Variants in BRIP1 observed in about 807,000 individuals in gnomAD.
BRIP1 encodes the protein BRCA1 interacting DNA helicase 1.
BRIP1 carries 88 observed loss-of-function variants against 119.7 expected under a neutral mutation model. That is an observed-to-expected ratio of 0.74 (90% confidence interval 0.62 to 0.88). The LOEUF is 0.88. Ranked by LOEUF, BRIP1 falls within the 40% of genes least tolerant of loss-of-function variation. BRIP1 has a pLI of 0.00. For synonymous variants in BRIP1, 443 were observed against 496.5 expected, an observed-to-expected ratio of 0.89 and a Z score of 1.43; for missense variants, 1,259 against 1,455.4, an observed-to-expected ratio of 0.87 and a Z score of 2.20.
chr17:61,744,547 C>A lies in BRIP1; in HGVS notation c.2142G>T (p.Trp714Cys). 6.2e-7 allele frequency: 1 copy of A among 1,613,742 alleles called. No homozygotes were observed. The highest frequency in any genetic ancestry group is 1.1e-5 in the South Asian group (1 of 91,080). ...CTGTCTTCACCAACTCCAGATTATGCCATAAACCAGTAGAGAGCCAACGTT... is the reference window on the plus strand; with the variant it reads ...CTGTCTTCACCAACTCCAGATTATGACATAAACCAGTAGAGAGCCAACGTT... Reference protein sequence around the residue: ...LKERWLSTGLWHNLELVKTVI... With the variant: ...LKERWLSTGLCHNLELVKTVI... Residue 714 changes from tryptophan (W) to cysteine (C), a missense_variant, in exon 15 of 20, where the codon TGG (tryptophan) becomes TGT (cysteine). Physicochemically the swap from Trp to Cys is radical, Grantham distance 215 (BLOSUM62 -2). This residue lies in a region of BRIP1 where 753 missense variants were observed against 891.8 expected (regional missense o/e 0.84). Transcript: ENST00000259008. This position sits in a 1 kb window ranked among gnomAD's most constrained non-coding sequence, Gnocchi z 5.0.
intron 14 of BRIP1, among the ~76,000 whole-genome samples, chr17:61,750,226 G>T (rs1265366872): frequency 6.6e-6 from 1 of 152,138 alleles, no homozygotes; most frequent in African/African-American, 2.4e-5. Context: ...TCATGAAAGT[G>T]TGCTGCATTT....
At chr17:61,835,050 G>A (rs2078551084) in intron 6 of BRIP1, among the ~76,000 whole-genome samples, 1 of 152,236 alleles carries the variant, frequency 6.6e-6, no homozygotes, top group South Asian at 2.1e-4. Flanking sequence ...TGATATTGAG[G>A]AGACAGTTTA....
rs587781923 is a variant in BRIP1, at chr17:61,683,748, C to T, written c.3298G>A (p.Asp1100Asn). The change falls in exon 20 of 20, where the codon GAT becomes AAT. Residue 1100 changes from aspartate to asparagine, a missense_variant. Physicochemically the swap from Asp to Asn is conservative, Grantham distance 23. Coordinates refer to ENST00000259008, the MANE Select transcript of BRIP1 (RefSeq NM_032043.3). The surrounding 1 kb of genome is among the most constrained non-coding windows in gnomAD (Gnocchi z 4.7). ...EHPLCSEEAL[D>N]PDIELSLVSE... ...ACTAGAGACAATTCAATGTCTGGAT[C>T]CAGGGCTTCTTCAGAACAGAGCGGA... The T allele has an allele frequency of 6.8e-6, 11 of 1,614,006 alleles. No homozygotes were observed. Among genetic ancestry groups the T allele is most frequent in the Admixed American group, 6.7e-5 (4 of 59,992 alleles).
intron 4 of BRIP1, 81 bp from the exon 5 acceptor site, chr17:61,849,337 G>C (rs1648351456): frequency 8.3e-7 from 1 of 1,203,970 alleles, no homozygotes; most frequent in South Asian, 1.3e-5. Context: ...GAACCAGGAT[G>C]TAAGGCTTAT....
In BRIP1 at chr17:61,804,213, C is replaced by A. The variant is rs1174064398; in HGVS notation, c.919-2739G>T. ...CTAACCACATACATGTACTACTTCTCTTTTTCAATTGTCATTGGAACTAAG... is the reference window on the plus strand; with the variant it reads ...CTAACCACATACATGTACTACTTCTATTTTTCAATTGTCATTGGAACTAAG... On this transcript the variant is annotated intron_variant, in intron 7 of 19. Coordinates refer to ENST00000259008, the MANE Select transcript of BRIP1 (RefSeq NM_032043.3). This position sits in a 1 kb window ranked among gnomAD's most constrained non-coding sequence, Gnocchi z 4.5. 6.6e-6 allele frequency among the ~76,000 whole-genome samples: 1 copy of A among 152,052 alleles called. No individual in the cohort carries two copies. The highest frequency in any genetic ancestry group is 2.4e-5 in the African/African-American group (1 of 41,396).
In BRIP1 at chr17:61,824,097, G is replaced by A. The variant is rs905887901; in HGVS notation, c.628-15340C>T. 6.3e-4 allele frequency among the ~76,000 whole-genome samples: 96 copies of A among 152,180 alleles called. 2 individuals are homozygous for A. Among genetic ancestry groups the A allele is most frequent in the Non-Finnish European group, 1.8e-4 (12 of 68,040 alleles). ...CCCAAAGTGCTGGGATTACAGGCATGAGCCACCATGCCCGGCCTAAGATAG... is the reference window on the plus strand; with the variant it reads ...CCCAAAGTGCTGGGATTACAGGCATAAGCCACCATGCCCGGCCTAAGATAG... On this transcript the variant is annotated intron_variant, in intron 6 of 19. Coordinates refer to ENST00000259008, the MANE Select transcript of BRIP1 (RefSeq NM_032043.3). This position sits in a 1 kb window ranked among gnomAD's most constrained non-coding sequence, Gnocchi z 4.3.
rs546410167 is a variant in BRIP1, at chr17:61,804,716, C to CAT, written c.919-3244_919-3243dup. On this transcript the variant is annotated intron_variant, in intron 7 of 19. Transcript: ENST00000259008. This position sits in a 1 kb window ranked among gnomAD's most constrained non-coding sequence, Gnocchi z 4.5. Reference sequence around the variant, plus strand: ...TTTTACAAATACATAATAATTTCCCCATATATATATATTCAAAATATTTTT... The same window carrying CAT: ...TTTTACAAATACATAATAATTTCCCCATATATATATATATTCAAAATATTTTT... 2.3e-4 allele frequency among the ~76,000 whole-genome samples: 34 copies of CAT among 151,092 alleles called. No individual in the cohort carries two copies. In the East Asian group the frequency reaches 2.7e-3, roughly 12 times the overall value.
chr17:61,728,327 A>C (rs1455888143), intron 16 of BRIP1, among the ~76,000 whole-genome samples: 2 of 151,644 alleles, frequency 1.3e-5, no homozygotes, highest in East Asian at 3.8e-4. Context: ...AAAAAAAAAA[A>C]AACCCCAGAC....
Position 61,825,263 on chromosome 17 carries a change from C to T in BRIP1, c.628-16506G>A, listed in dbSNP as rs370000292. Reference sequence around the variant, plus strand: ...TTGTGCCACTGCACTCCAGCCTGGGCGACAGAGCAAGACTCTGTCTCAAAA... The same window carrying T: ...TTGTGCCACTGCACTCCAGCCTGGGTGACAGAGCAAGACTCTGTCTCAAAA... On this transcript the variant is annotated intron_variant, in intron 6 of 19. Coordinates refer to ENST00000259008, the MANE Select transcript of BRIP1 (RefSeq NM_032043.3). This position sits in a 1 kb window ranked among gnomAD's most constrained non-coding sequence, Gnocchi z 4.1. 9.3e-4 allele frequency among the ~76,000 whole-genome samples: 139 copies of T among 149,696 alleles called. 1 individual carries two copies. The highest frequency in any genetic ancestry group is 3.2e-3 in the African/African-American group (130 of 40,580).
intron 11 of BRIP1, among the ~76,000 whole-genome samples, chr17:61,781,392 G>A (rs1020286192): frequency 2.7e-4 from 41 of 152,244 alleles, no homozygotes; most frequent in Middle Eastern, 3.4e-3. Flanking sequence ...CAGTATTATG[G>A]TTAAAGAGAC....
At chr17:61,817,873 G>A (rs1357648532) in intron 6 of BRIP1, among the ~76,000 whole-genome samples, 2 of 152,066 alleles carry the variant, frequency 1.3e-5, no homozygotes, top group African/African-American at 4.8e-5. Context: ...GTAAAAATGG[G>A]TTCTGCAGGT....
chr17:61,812,081 A>G (rs1044016761), intron 6 of BRIP1, among the ~76,000 whole-genome samples: 14 of 152,192 alleles, frequency 9.2e-5, no homozygotes, highest in Admixed American at 9.2e-4. Context: ...CAAAATCAGC[A>G]ACTTTCAATG....
intron 16 of BRIP1, among the ~76,000 whole-genome samples, chr17:61,716,424 ATAGT>A (rs2061864239): frequency 6.6e-6 from 1 of 152,040 alleles, no homozygotes; most frequent in South Asian, 2.1e-4. Flanking sequence ...TTATCCCTTT[ATAGT>A]AAATTTCTTT....
At position 61,848,348 on chromosome 17, in the gene BRIP1, G is replaced by A. The variant is rs1452006782; in HGVS notation, c.507+781C>T. Among the ~76,000 whole-genome samples the A allele has an allele frequency of 4.0e-5, 6 of 149,328 alleles. No individual in the cohort carries two copies. The highest frequency in any genetic ancestry group is 2.0e-4 in the Admixed American group (3 of 14,976). On this transcript the variant is annotated intron_variant, in intron 5 of 19. Coordinates refer to ENST00000259008, the MANE Select transcript of BRIP1 (RefSeq NM_032043.3). The surrounding 1 kb of genome is among the most constrained non-coding windows in gnomAD (Gnocchi z 4.3). ...GTAGGGCTACATGTCTGATGAGCCTGTAGGGCTCATGCCACCACACCCGGT... is the reference window on the plus strand; with the variant it reads ...GTAGGGCTACATGTCTGATGAGCCTATAGGGCTCATGCCACCACACCCGGT...
In BRIP1 at chr17:61,683,975, C is replaced by T. The variant is rs587781744; in HGVS notation, c.3071G>A (p.Gly1024Glu). ...ACTAGAGGCACTATTCTCTGATGAC[C>T]CGAGCTCAGGTGTTGCCTTCGGTAT... ...GKIPKATPELGSSENSASSPP... is the reference protein window; with the variant it reads ...GKIPKATPELESSENSASSPP... Residue 1024 changes from glycine to glutamate, a missense_variant, in exon 20 of 20, where the codon GGG (glycine) becomes GAG (glutamate). Around this residue, in one of 3 missense-constraint regions of BRIP1, gnomAD observed 753 missense variants for 891.8 expected, o/e 0.84. Transcript: ENST00000259008. The surrounding 1 kb of genome is among the most constrained non-coding windows in gnomAD (Gnocchi z 4.7). 1.9e-6 allele frequency: 3 copies of T among 1,614,108 alleles called. No homozygotes were observed. The highest frequency in any genetic ancestry group is 2.5e-6 in the Non-Finnish European group (3 of 1,180,026).
rs948017645 is a variant in BRIP1, at chr17:61,695,416, C to T, written c.2493-1904G>A. ...TTTGTAGTAAGTTTGAAATAGAAAA[C>T]TGTTTGTTCTCCTAGTATGTTCTTC... On this transcript the variant is annotated intron_variant, in intron 17 of 19. Coordinates refer to ENST00000259008, the MANE Select transcript of BRIP1 (RefSeq NM_032043.3). This position sits in a 1 kb window ranked among gnomAD's most constrained non-coding sequence, Gnocchi z 4.3. 6.6e-6 allele frequency among the ~76,000 whole-genome samples: 1 copy of T among 151,172 alleles called. No individual in the cohort carries two copies. Among genetic ancestry groups the T allele is most frequent in the African/African-American group, 2.5e-5 (1 of 40,552 alleles).
rs1203681136 is a variant in BRIP1 at position 61,832,214 on chromosome 17, T to C, written c.627+14887A>G. Among the ~76,000 whole-genome samples the C allele has an allele frequency of 3.3e-5, 5 of 152,184 alleles. No individual in the cohort carries two copies. The highest frequency in any genetic ancestry group is 6.5e-5 in the Admixed American group (1 of 15,286). ...AAATAAGGAAGCGTTCCAAGAATGA[T>C]TGATATATGTCAGAAAGACACAAGC... On this transcript the variant is annotated intron_variant, in intron 6 of 19. Coordinates refer to ENST00000259008, the MANE Select transcript of BRIP1 (RefSeq NM_032043.3). The surrounding 1 kb of genome is among the most constrained non-coding windows in gnomAD (Gnocchi z 5.5).
rs2078845789 is a variant in BRIP1, at chr17:61,853,144, A to T, written c.380-3888T>A. Among the ~76,000 whole-genome samples, 1 of 152,190 alleles carries T rather than the reference A, an allele frequency of 6.6e-6. No individual in the cohort carries two copies. The highest frequency in any genetic ancestry group is 2.4e-5 in the African/African-American group (1 of 41,446). ...ATACAAGGAAATAATACACAGAAAC[A>T]AGAAGTACTACTATATGCAACAGCA... On this transcript the variant is annotated intron_variant, in intron 4 of 19. Coordinates refer to ENST00000259008, the MANE Select transcript of BRIP1 (RefSeq NM_032043.3). This position sits in a 1 kb window ranked among gnomAD's most constrained non-coding sequence, Gnocchi z 4.3.
chr17:61,745,423 C>T lies in BRIP1; in HGVS notation c.2098-832G>A, dbSNP rs1166849694. 6.6e-6 allele frequency among the ~76,000 whole-genome samples: 1 copy of T among 152,178 alleles called. No individual in the cohort carries two copies. Among genetic ancestry groups the T allele is most frequent in the Non-Finnish European group, 1.5e-5 (1 of 68,014 alleles). ...GGTCTCTGTCACCCAGGCTGGAGTA[C>T]AGTGGCAAGATCATAGCTCAGTGCA... On this transcript the variant is annotated intron_variant, in intron 14 of 19. Coordinates refer to ENST00000259008, the MANE Select transcript of BRIP1 (RefSeq NM_032043.3). The surrounding 1 kb of genome is among the most constrained non-coding windows in gnomAD (Gnocchi z 4.4).
Sources: allele counts gnomAD v4.1 joint callset (sites outside exome capture counted in the v4.1 genomes callset), GRCh38; gene constraint gnomAD v4.1.1; regional missense constraint gnomAD v4.1.1; non-coding constraint Gnocchi (gnomAD v3.1); transcripts MANE v1.5; gene names NCBI Gene and HGNC (gene_info 2026-07-23, HGNC 2026-07-21).